RSRP1: variants seen among roughly 807,000 people sequenced by gnomAD.
The protein encoded by RSRP1 is arginine/serine-rich protein 1.
Under a neutral mutation model 33.0 loss-of-function variants are expected in RSRP1, and 37 were observed. The ratio of observed to expected loss-of-function variants is 1.12; its 90% CI spans 0.86 to 1.48. The LOEUF (loss-of-function observed/expected upper bound fraction) is 1.48. Among genes scored for constraint, RSRP1 ranks in the 40% most tolerant of loss-of-function variants. The pLI is 0.00. For synonymous variants in RSRP1, 167 were observed against 158.7 expected, an observed-to-expected ratio of 1.05 and a Z score of -0.40; for missense variants, 402 against 385.3, an observed-to-expected ratio of 1.04 and a Z score of -0.36.
At chr1:25,287,988 A>G (rs1158430462) in intron 1 of RSRP1, among the ~76,000 whole-genome samples, 2 of 132,218 alleles carry the variant, frequency 1.5e-5, no homozygotes, top group African/African-American at 2.6e-5. Flanking sequence ...CTCCCAAAGT[A>G]CTGGGATTAC....
At chr1:25,303,582 C>A in intron 1 of RSRP1, 1 of 1,024,898 alleles carries the variant, frequency 9.8e-7, no homozygotes, top group Non-Finnish European at 1.5e-6. Flanking sequence ...CTCTTATTGG[C>A]TTCAACGCCT....
upstream of RSRP1, among the ~76,000 whole-genome samples, chr1:25,251,195 T>G (rs905749324): frequency 6.6e-6 from 1 of 152,028 alleles, no homozygotes; most frequent in Admixed American, 6.6e-5. Context: ...GATCTTCCCC[T>G]AGAGCCTCCA....
rs563596397 is a variant in RSRP1, at chr1:25,334,684, G to A, written c.-67+3294C>T. 1.8e-4 allele frequency among the ~76,000 whole-genome samples: 24 copies of A among 132,920 alleles called. 5 individuals carry two copies. The highest frequency in any genetic ancestry group is 5.7e-4 in the African/African-American group (22 of 38,866). The allele number at this position is 132,920 out of a possible 152,430, so 87.2% of individuals were successfully genotyped here. On this transcript the variant is annotated intron_variant, in intron 1 of 1. Transcript: ENST00000561867. ...TCCGCACATCCTCTTTAATCTAGGC[G>A]AAGGTTTCCAAACCCCAGTTCTTGA...
rs753107098 is a variant in RSRP1, at chr1:25,245,320, G to C, written c.521-19C>G. 4 of 1,594,202 alleles carry C rather than the reference G, an allele frequency of 2.5e-6. No homozygotes were observed. The highest frequency in any genetic ancestry group is 3.4e-5 in the Admixed American group (2 of 59,054). ...ATTCGATCTAAAAAAAAAAGAGAGA[G>C]ATTTTAAAATACTCATTAATCTGGT... is the stretch of plus-strand genomic sequence containing the variant. On this transcript the variant is annotated intron_variant, in intron 2 of 4. Transcript: ENST00000243189.
At chr1:25,276,819 C>A (rs1641040902) in intron 1 of RSRP1, among the ~76,000 whole-genome samples, 1 of 132,890 alleles carries the variant, frequency 7.5e-6, no homozygotes, top group Admixed American at 7.3e-5. Flanking sequence ...GTAATCCCAG[C>A]ACTTTGGGAG....
chr1:25,321,291 G>A lies in RSRP1; in HGVS notation c.-67+16687C>T, dbSNP rs140096164. Among the ~76,000 whole-genome samples, 656 of 121,528 alleles carry A rather than the reference G, an allele frequency of 5.4e-3. 153 individuals are homozygous for A. Among genetic ancestry groups the A allele is most frequent in the Non-Finnish European group, 9.3e-3 (481 of 51,804 alleles). 79.7% of individuals were successfully genotyped at this position (121,528 alleles called of 152,430 possible). On this transcript the variant is annotated intron_variant, in intron 1 of 1. Transcript: ENST00000561867. ...CCTTTTACTCCATCTGGGGAAGGGC[G>A]TCAGATCTGTGGCTCTCATGTACTG...
In RSRP1 at chr1:25,303,678, T is replaced by C. The variant is rs111773337; in HGVS notation, c.-67+34300A>G. Among the ~76,000 whole-genome samples, 8 of 131,420 alleles carry C rather than the reference T, an allele frequency of 6.1e-5. 1 individual carries two copies. Among genetic ancestry groups the C allele is most frequent in the African/African-American group, 1.0e-4 (4 of 38,248 alleles). The allele number at this position is 131,420 out of a possible 152,430, so 86.2% of individuals were successfully genotyped here. A position where few individuals can be genotyped will look rare whatever the true frequency, so the allele number is the denominator to read the frequency against. On this transcript the variant is annotated intron_variant, in intron 1 of 1. Transcript: ENST00000561867. ...GAACCCATTTGAGCTTGCTTGGGCA[T>C]TGGGGAGAATTTGTTATCAGGCTAC...
intron 1 of RSRP1, among the ~76,000 whole-genome samples, chr1:25,256,147 CT>C (rs58871827): frequency 0.021 from 2,797 of 132,878 alleles, 44 homozygotes; most frequent in African/African-American, 0.053. Flanking sequence ...CTATCCGGAT[CT>C]TTTTTTTTTT....
In RSRP1 at chr1:25,295,792, G is replaced by A. The variant is rs1440724286; in HGVS notation, c.-67+42186C>T. Among the ~76,000 whole-genome samples, 2 of 109,852 alleles carry A rather than the reference G, an allele frequency of 1.8e-5. 1 individual carries two copies. Among genetic ancestry groups the A allele is most frequent in the African/African-American group, 6.0e-5 (2 of 33,358 alleles). The allele number at this position is 109,852 out of a possible 152,430, so 72.1% of individuals were successfully genotyped here. On this transcript the variant is annotated intron_variant, in intron 1 of 1. Coordinates refer to the RSRP1 transcript ENST00000561867. ...AGAGTGTGATGGCATCTTCTTCAAG[G>A]GAGCTGGGGATGTTTGGGGTGGAAA... is the stretch of plus-strand genomic sequence containing the variant.
In RSRP1 at chr1:25,287,927, G is replaced by A. The variant is rs539482397; in HGVS notation, c.-66-40898C>T. ...TAGTAGACAAGGGGTTTCACCAGGT[G>A]GGTCAGGTTGGTCTGGAACTCCCGA... On this transcript the variant is annotated intron_variant, in intron 1 of 1. Transcript: ENST00000561867. Among the ~76,000 whole-genome samples, 39 of 131,776 alleles carry A rather than the reference G, an allele frequency of 3.0e-4. 7 individuals carry two copies. The highest frequency in any genetic ancestry group is 9.6e-4 in the African/African-American group (37 of 38,726). 86.5% of individuals were successfully genotyped at this position (131,776 alleles called of 152,430 possible). A position where few individuals can be genotyped will look rare whatever the true frequency, so the allele number is the denominator to read the frequency against.
chr1:25,268,241 G>T (rs140736832), intron 1 of RSRP1, among the ~76,000 whole-genome samples: 2 of 132,594 alleles, frequency 1.5e-5, no homozygotes, highest in East Asian at 3.9e-4. Context: ...ATACACGGCC[G>T]GGCGCAGTGG....
At position 25,275,696 on chromosome 1, in the gene RSRP1, A is replaced by G. The variant is rs1256572900; in HGVS notation, c.-66-28667T>C. Among the ~76,000 whole-genome samples, 2 of 133,524 alleles carry G rather than the reference A, an allele frequency of 1.5e-5. 1 individual carries two copies. Among genetic ancestry groups the G allele is most frequent in the Non-Finnish European group, 3.6e-5 (2 of 56,260 alleles). 87.6% of individuals were successfully genotyped at this position (133,524 alleles called of 152,430 possible). A position where few individuals can be genotyped will look rare whatever the true frequency, so the allele number is the denominator to read the frequency against. ...AAAATGAAATATATAATATTTTCAA[A>G]TTACTAATCATAATGGTGTCAATCT... On this transcript the variant is annotated intron_variant, in intron 1 of 1. Transcript: ENST00000561867.
chr1:25,270,354 G>A (rs189011564), intron 1 of RSRP1, among the ~76,000 whole-genome samples: 1 of 130,288 alleles, frequency 7.7e-6, no homozygotes, highest in African/African-American at 2.7e-5. Flanking sequence ...GAACCTGACC[G>A]CACAGCATGA....
chr1:25,258,947 T>C (rs1367400347), intron 1 of RSRP1, among the ~76,000 whole-genome samples: 1 of 152,212 alleles, frequency 6.6e-6, no homozygotes, highest in Non-Finnish European at 1.5e-5. Flanking sequence ...TGCCACTCTT[T>C]GAGGAGAATC....
chr1:25,246,855 G>C lies in RSRP1; in HGVS notation c.109C>G (p.Arg37Gly). 6.2e-7 allele frequency: 1 copy of C among 1,612,778 alleles called. No homozygotes were observed. The highest frequency in any genetic ancestry group is 1.1e-5 in the South Asian group (1 of 91,082). Reference sequence around the variant, plus strand: ...GACCGAGAGCTTCTGGAAAAAGAGCGGCTCCTAGACCGCGACGACAGCCGG... The same window carrying C: ...GACCGAGAGCTTCTGGAAAAAGAGCCGCTCCTAGACCGCGACGACAGCCGG... Reference protein sequence around the residue: ...SSRLSSRSRSRSFSRSSRSHS... With the variant: ...SSRLSSRSRSGSFSRSSRSHS... The change falls in exon 2 of 5, where the codon CGC (arginine) becomes GGC (glycine). Residue 37 changes from arginine to glycine, a missense_variant. Physicochemically the swap from Arg to Gly is moderately radical, Grantham distance 125. Coordinates refer to ENST00000243189, the MANE Select transcript of RSRP1 (RefSeq NM_020317.5).
At chr1:25,242,867 C>T (rs45461994) in intron 4 of RSRP1, among the ~76,000 whole-genome samples, 162 bp from the exon 5 acceptor site, 9,491 of 152,220 alleles carry the variant, frequency 0.062, 459 homozygotes, top group East Asian at 0.25. Flanking sequence ...AAGGCTGACA[C>T]GGGCGGATCA....
At chr1:25,286,970 G>A (rs1247372281) in intron 1 of RSRP1, among the ~76,000 whole-genome samples, 3 of 133,320 alleles carry the variant, frequency 2.3e-5, no homozygotes, top group African/African-American at 5.2e-5. Context: ...GCAGGCACCT[G>A]TAATCCCAGC....
At chr1:25,330,007 T>C (rs1363373682) in intron 1 of RSRP1, 1 of 132,430 alleles carries the variant, frequency 7.6e-6, no homozygotes, top group Non-Finnish European at 1.8e-5. Flanking sequence ...AACAGCTTTG[T>C]GAACGTGGCA....
At chr1:25,285,909 G>A (rs138470223) in intron 1 of RSRP1, among the ~76,000 whole-genome samples, 928 of 134,322 alleles carry the variant, frequency 6.9e-3, no homozygotes, top group Non-Finnish European at 0.012. Context: ...TCTGGGCACT[G>A]CTGTTAAACA....
Sources: allele counts gnomAD v4.1 joint callset (sites outside exome capture counted in the v4.1 genomes callset), GRCh38; gene constraint gnomAD v4.1.1; transcripts MANE v1.5; gene names NCBI Gene and HGNC (gene_info 2026-07-23, HGNC 2026-07-21).